HSPA4: variants seen among roughly 807,000 people sequenced by gnomAD.
HSPA4 encodes the protein heat shock 70 kDa protein 4.
A neutral mutation model predicts 106.2 loss-of-function variants in HSPA4; 25 were observed. That is an observed-to-expected ratio of 0.24 (90% CI 0.17 to 0.33). The LOEUF (loss-of-function observed/expected upper bound fraction) is 0.33. HSPA4 is among the 10% of genes least tolerant of loss of function. The probability of loss-of-function intolerance (pLI) is 1.00; values close to 1 mark genes in which losing one functional copy is unlikely to be tolerated. For synonymous variants in HSPA4, 332 were observed against 333.6 expected, an observed-to-expected ratio of 1.00 and a Z score of 0.05; for missense variants, 841 against 996.0, an observed-to-expected ratio of 0.84 and a Z score of 2.10.
In HSPA4 at chr5:133,074,105, A is replaced by C. The variant is rs897837514; in HGVS notation, c.642A>C (p.Ala214=). 5 of 1,595,922 alleles carry C rather than the reference A, an allele frequency of 3.1e-6. No homozygotes were observed. The highest frequency in any genetic ancestry group is 4.3e-6 in the Non-Finnish European group (5 of 1,173,272). The change falls in exon 6 of 19, where the codon GCA becomes GCC. Residue 214 remains alanine, a synonymous_variant. Transcript: ENST00000304858. ...CTGCTTATCAAGTTTCTGTATGTGC[A>C]TTTAATAGAGGAAAACTGAAAGTAA... is the stretch of plus-strand genomic sequence containing the variant. ...GHSAYQVSVC[A]FNRGKLKVLA... is the part of the protein sequence containing the mutation.
At chr5:133,094,105 AAATAATGG>A (rs1183689714) in intron 13 of HSPA4, among the ~76,000 whole-genome samples, 1 of 152,214 alleles carries the variant, frequency 6.6e-6, no homozygotes, top group Non-Finnish European at 1.5e-5. Context: ...AAGTTATTTT[AAATAATGG>A]AATAATGGAT....
chr5:133,059,403 A>T (rs1765208251), intron 1 of HSPA4, among the ~76,000 whole-genome samples: 1 of 150,396 alleles, frequency 6.6e-6, no homozygotes, highest in Non-Finnish European at 1.5e-5. Context: ...AGCCGAGATT[A>T]TGCCATTGCA....
chr5:133,101,100 C>G (rs1452617399), intron 16 of HSPA4, among the ~76,000 whole-genome samples: 1 of 152,222 alleles, frequency 6.6e-6, no homozygotes, highest in Admixed American at 6.5e-5. Flanking sequence ...GCCACCGAAC[C>G]TGACCAAGCA....
intron 1 of HSPA4, among the ~76,000 whole-genome samples, chr5:133,061,260 C>T (rs1765238352): frequency 6.6e-6 from 1 of 151,624 alleles, no homozygotes; most frequent in South Asian, 2.1e-4. Flanking sequence ...GTAGCTGGGA[C>T]TACAGGCGCC....
Position 133,063,942 on chromosome 5 carries a change from A to G in HSPA4, c.108-1038A>G, listed in dbSNP as rs954508526. Among the ~76,000 whole-genome samples the G allele has an allele frequency of 5.3e-5, 8 of 151,342 alleles. No homozygotes were observed. The East Asian group carries it at 9.9e-4, about 19-fold the overall frequency. ...ACGCCCAGCTACTTTTTGTATTTTT[A>G]GTAGGGACAGGGTTTCACCATGTTG... On this transcript the variant is annotated intron_variant, in intron 1 of 18. Transcript: ENST00000304858.
chr5:133,093,636 G>A (rs1403960914), intron 13 of HSPA4, among the ~76,000 whole-genome samples: 4 of 152,028 alleles, frequency 2.6e-5, no homozygotes, highest in Non-Finnish European at 4.4e-5. Flanking sequence ...GACTACAGGC[G>A]TGCACCATCA....
intron 1 of HSPA4, among the ~76,000 whole-genome samples, chr5:133,064,093 A>T (rs1415421437): frequency 1.3e-5 from 2 of 152,230 alleles, no homozygotes; most frequent in African/African-American, 4.8e-5. Flanking sequence ...TTTAACCTTC[A>T]AGCAGGTTTC....
intron 11 of HSPA4, among the ~76,000 whole-genome samples, chr5:133,090,695 A>G (rs900085756): frequency 5.9e-5 from 9 of 152,164 alleles, no homozygotes; most frequent in Admixed American, 5.9e-4. Flanking sequence ...TTTTTTCCCC[A>G]TCTGTAAATC....
At chr5:133,072,051 A>C (rs1475145390) in intron 4 of HSPA4, among the ~76,000 whole-genome samples, 1 of 152,132 alleles carries the variant, frequency 6.6e-6, no homozygotes, top group East Asian at 1.9e-4. Flanking sequence ...TTTATGTAAA[A>C]TATTGGAATG....
intron 7 of HSPA4, among the ~76,000 whole-genome samples, chr5:133,077,122 G>T (rs1765455240): frequency 6.6e-6 from 1 of 152,172 alleles, no homozygotes; most frequent in African/African-American, 2.4e-5. Context: ...ATTCCAACAT[G>T]TTGATAGTTC....
chr5:133,088,656 C>G, intron 9 of HSPA4, 101 bp downstream of exon 9: 1 of 994,882 alleles, frequency 1.0e-6, no homozygotes, highest in Non-Finnish European at 1.5e-6. Context: ...AGGGTGACTT[C>G]AGGGTGTTGA....
At chr5:133,079,630 T>C (rs1765489970) in intron 7 of HSPA4, among the ~76,000 whole-genome samples, 1 of 152,214 alleles carries the variant, frequency 6.6e-6, no homozygotes, top group African/African-American at 2.4e-5. Flanking sequence ...CTTTTGCTTA[T>C]ATACCTAGGA....
Position 133,101,892 on chromosome 5 carries a change from T to G in HSPA4, c.2157+14T>G, listed in dbSNP as rs1312993710. 1 of 1,527,386 alleles carries G rather than the reference T, an allele frequency of 6.5e-7. No individual in the cohort carries two copies. Among genetic ancestry groups the G allele is most frequent in the Non-Finnish European group, 8.9e-7 (1 of 1,123,214 alleles). The allele number at this position is 1,527,386 out of a possible 1,614,324, so 94.6% of individuals were successfully genotyped here. A position where few individuals can be genotyped will look rare whatever the true frequency, so the allele number is the denominator to read the frequency against. ...TTCAAAAACAAGGTAACTTTTTTCT[T>G]TGTCCTACTCTTATTTTAGTAAAGT... On this transcript the variant is annotated intron_variant, in intron 17 of 18. Coordinates refer to ENST00000304858, the MANE Select transcript of HSPA4 (RefSeq NM_002154.4).
intron 16 of HSPA4, among the ~76,000 whole-genome samples, chr5:133,101,048 C>T (rs1336802710): frequency 6.6e-6 from 1 of 152,186 alleles, no homozygotes; most frequent in Admixed American, 6.5e-5. Context: ...TCAAGCAATT[C>T]TCCTGCCTTG....
chr5:133,089,492 A>T, intron 10 of HSPA4, 70 bp from the exon 11 acceptor site: 1 of 1,412,222 alleles, frequency 7.1e-7, no homozygotes, highest in Non-Finnish European at 9.9e-7. Context: ...ATAATTACAA[A>T]CCTAGAACAC....
intron 4 of HSPA4, among the ~76,000 whole-genome samples, chr5:133,070,828 G>A (rs1055946954): frequency 6.6e-6 from 1 of 152,128 alleles, no homozygotes; most frequent in African/African-American, 2.4e-5. Context: ...CTTCAACCCG[G>A]GAGGCTGAGG....
chr5:133,089,052 T>C lies in HSPA4; in HGVS notation c.1138-3T>C. ...ACGGAATTTTTGAAAATTATTATTC[T>C]AGTGTGCCATCTTATCGCCTGCTTT... On this transcript the variant is annotated splice_polypyrimidine_tract_variant and splice_region_variant and intron_variant, in intron 9 of 18. Transcript: ENST00000304858. 7 of 1,553,194 alleles carry C rather than the reference T, an allele frequency of 4.5e-6. No individual in the cohort carries two copies. Among genetic ancestry groups the C allele is most frequent in the Non-Finnish European group, 6.2e-6 (7 of 1,135,896 alleles).
chr5:133,090,588 T>G (rs1232826144), intron 11 of HSPA4, among the ~76,000 whole-genome samples: 4 of 152,068 alleles, frequency 2.6e-5, no homozygotes, highest in South Asian at 2.1e-4. Context: ...TGAGAAGAGA[T>G]AGAAACTAGT....
chr5:133,088,454 C>A lies in HSPA4; in HGVS notation c.1036C>A (p.Arg346=). The change falls in exon 9 of 19, where the codon CGA becomes AGA. Residue 346 remains arginine, a synonymous_variant. Coordinates refer to ENST00000304858, the MANE Select transcript of HSPA4 (RefSeq NM_002154.4). ...AGTGGAGATAGTTGGTGGTGCTACACGAATCCCTGCGGTAAAAGAGAAGAT... is the reference window on the plus strand; with the variant it reads ...AGTGGAGATAGTTGGTGGTGCTACAAGAATCCCTGCGGTAAAAGAGAAGAT... ...YAVEIVGGAT[R]IPAVKEKISK... The A allele has an allele frequency of 6.2e-7, 1 of 1,612,008 alleles. No homozygotes were observed. The highest frequency in any genetic ancestry group is 8.5e-7 in the Non-Finnish European group (1 of 1,178,184).
Sources: allele counts gnomAD v4.1 joint callset (sites outside exome capture counted in the v4.1 genomes callset), GRCh38; gene constraint gnomAD v4.1.1; transcripts MANE v1.5; gene names NCBI Gene and HGNC (gene_info 2026-07-23, HGNC 2026-07-21).